Variants in SERGEF observed in about 807,000 individuals in gnomAD.
SERGEF encodes secretion-regulating guanine nucleotide exchange factor.
Under a neutral mutation model 50.0 loss-of-function variants are expected in SERGEF, and 51 were observed. The observed-to-expected ratio is 1.02, with a 90% CI of 0.81 to 1.29. The LOEUF (loss-of-function observed/expected upper bound fraction) is 1.29. Ranked by LOEUF, SERGEF falls within the 50% of genes most tolerant of loss-of-function variation. The pLI is 0.00. For synonymous variants in SERGEF, 205 were observed against 212.4 expected (o/e 0.97, Z 0.30); for missense variants, 521 against 557.0 (o/e 0.94, Z 0.65).
chr11:17,949,136 C>T (rs1449566205), intron 9 of SERGEF, among the ~76,000 whole-genome samples: 1 of 152,134 alleles, frequency 6.6e-6, no homozygotes, highest in East Asian at 1.9e-4. Flanking sequence ...TGTGGTTTTG[C>T]TTCCCTGAAA....
intron 10 of SERGEF, among the ~76,000 whole-genome samples, chr11:17,859,756 G>T (rs568619350): frequency 1.3e-5 from 2 of 152,144 alleles, no homozygotes; most frequent in Non-Finnish European, 2.9e-5. Context: ...AGTAACATTA[G>T]ATGCTAGAGG....
chr11:17,923,572 C>G (rs576100175), intron 9 of SERGEF, among the ~76,000 whole-genome samples: 23 of 152,172 alleles, frequency 1.5e-4, no homozygotes, highest in Non-Finnish European at 2.8e-4. Flanking sequence ...GGGGCCTGGA[C>G]CAGGGTGGAG....
At chr11:17,860,297 T>C (rs1397873386) in intron 10 of SERGEF, among the ~76,000 whole-genome samples, 15 of 152,158 alleles carry the variant, frequency 9.9e-5, no homozygotes, top group Admixed American at 8.5e-4. Context: ...ATAGGAACCA[T>C]ATCATGATAT....
intron 10 of SERGEF, among the ~76,000 whole-genome samples, chr11:17,802,833 T>C (rs1849695564): frequency 6.6e-6 from 1 of 152,034 alleles, no homozygotes; most frequent in African/African-American, 2.4e-5. Flanking sequence ...CCTTTCATTC[T>C]CTTTATACTG....
intron 9 of SERGEF, among the ~76,000 whole-genome samples, chr11:17,953,490 G>A (rs1852808247): frequency 1.3e-5 from 2 of 152,190 alleles, no homozygotes; most frequent in Admixed American, 1.3e-4. Flanking sequence ...ATCTGTGCTG[G>A]CTCTGCAGGG....
chr11:17,945,986 C>G (rs746121716), intron 9 of SERGEF, among the ~76,000 whole-genome samples: 1 of 151,742 alleles, frequency 6.6e-6, no homozygotes, highest in Non-Finnish European at 1.5e-5. Flanking sequence ...CTCAAAAAAA[C>G]AAAAAACAAA....
intron 9 of SERGEF, among the ~76,000 whole-genome samples, chr11:17,901,096 C>A (rs1440211799): frequency 6.6e-6 from 1 of 151,948 alleles, no homozygotes; most frequent in Non-Finnish European, 1.5e-5. Flanking sequence ...CTGCCATCAC[C>A]ATCATTGTAG....
chr11:18,007,981 C>T lies in SERGEF; in HGVS notation c.156G>A (p.Arg52=). The T allele has an allele frequency of 6.2e-6, 10 of 1,614,054 alleles. No individual in the cohort carries two copies. The highest frequency in any genetic ancestry group is 1.3e-5 in the African/African-American group (1 of 75,042). Residue 52 remains arginine (R), a synonymous_variant, in exon 2 of 11, where the codon AGG becomes AGA. Coordinates refer to ENST00000265965, the MANE Select transcript of SERGEF (RefSeq NM_012139.4). ...LNDFCKPRSV[R]RITGGGGHSA... is the part of the protein sequence containing the mutation. ...AGTGGCCCCCTCCTCCTGTGATCCTCCTGACACTCCTGGGTTTACAGAAGT... is the reference window on the plus strand; with the variant it reads ...AGTGGCCCCCTCCTCCTGTGATCCTTCTGACACTCCTGGGTTTACAGAAGT...
chr11:17,945,621 C>T (rs1852643079), intron 9 of SERGEF, among the ~76,000 whole-genome samples: 1 of 152,054 alleles, frequency 6.6e-6, no homozygotes, highest in Non-Finnish European at 1.5e-5. Flanking sequence ...CTCTTACTTG[C>T]CTGATTTTAA....
intron 10 of SERGEF, among the ~76,000 whole-genome samples, chr11:17,795,096 C>T (rs1849551681): frequency 6.6e-6 from 1 of 152,228 alleles, no homozygotes. Context: ...ACAGTCAGGA[C>T]TGCTCTTCTG....
intron 9 of SERGEF, among the ~76,000 whole-genome samples, chr11:17,893,295 C>G (rs1851565773): frequency 6.6e-6 from 1 of 152,186 alleles, no homozygotes; most frequent in Admixed American, 6.5e-5. Flanking sequence ...TGTAAGCTGT[C>G]TGACCTTGGG....
intron 10 of SERGEF, among the ~76,000 whole-genome samples, chr11:17,838,549 T>G (rs1850447343): frequency 3.3e-5 from 5 of 152,154 alleles, no homozygotes; most frequent in Admixed American, 3.3e-4. Context: ...TTACACACAT[T>G]ATCTCATTCA....
chr11:17,953,084 C>T (rs1379794113), intron 9 of SERGEF, among the ~76,000 whole-genome samples: 1 of 148,908 alleles, frequency 6.7e-6, no homozygotes, highest in Non-Finnish European at 1.5e-5. Context: ...CACCCCCACC[C>T]AGCAGAACCC....
chr11:17,875,699 C>T (rs1198941744), intron 10 of SERGEF, among the ~76,000 whole-genome samples: 1 of 152,218 alleles, frequency 6.6e-6, no homozygotes, highest in Non-Finnish European at 1.5e-5. Flanking sequence ...ACTAGGTTCT[C>T]AATCATGTCC....
At position 17,884,752 on chromosome 11, in the gene SERGEF, A is replaced by T. The variant is rs892612744; in HGVS notation, c.1012-6508T>A. ...ATATGTTATATATACATTTTTAAAA[A>T]AAGCACATTGTATGTATGCCTGTGA... On this transcript the variant is annotated intron_variant, in intron 9 of 10. Transcript: ENST00000265965. This position sits in a 1 kb window ranked among gnomAD's most constrained non-coding sequence, Gnocchi z 4.6. Among the ~76,000 whole-genome samples, 3 of 152,232 alleles carry T rather than the reference A, an allele frequency of 2.0e-5. No individual in the cohort carries two copies. The highest frequency in any genetic ancestry group is 7.2e-5 in the African/African-American group (3 of 41,456).
intron 8 of SERGEF, among the ~76,000 whole-genome samples, chr11:17,979,693 C>T (rs189575466): frequency 6.6e-6 from 1 of 152,196 alleles, no homozygotes; most frequent in African/African-American, 2.4e-5. Flanking sequence ...ATACCCTTGG[C>T]TCTGTCTGCA....
At chr11:17,892,780 C>T (rs774544593) in intron 9 of SERGEF, among the ~76,000 whole-genome samples, 16 of 152,248 alleles carry the variant, frequency 1.1e-4, no homozygotes, top group Non-Finnish European at 2.2e-4. Flanking sequence ...TGAAGGAGAA[C>T]ACACACTACA....
chr11:17,990,771 TC>T (rs1262700318), intron 7 of SERGEF, among the ~76,000 whole-genome samples: 13 of 132,306 alleles, frequency 9.8e-5, no homozygotes, highest in East Asian at 2.6e-4. Flanking sequence ...GGGCTATTAA[TC>T]TTTTTTTTTT....
intron 8 of SERGEF, among the ~76,000 whole-genome samples, chr11:17,962,607 C>A (rs211151): frequency 0.64 from 97,173 of 152,092 alleles, 31,553 homozygotes; most frequent in African/African-American, 0.76. Flanking sequence ...TCAGCAAGTG[C>A]AACACAATTT....
Sources: allele counts gnomAD v4.1 joint callset (sites outside exome capture counted in the v4.1 genomes callset), GRCh38; gene constraint gnomAD v4.1.1; non-coding constraint Gnocchi (gnomAD v3.1); transcripts MANE v1.5; gene names NCBI Gene and HGNC (gene_info 2026-07-23, HGNC 2026-07-21).